RNF2: variants seen among roughly 807,000 people sequenced by gnomAD.
The protein encoded by RNF2 is E3 ubiquitin-protein ligase RING2.
Under a neutral mutation model 37.2 loss-of-function variants are expected in RNF2, and 6 were observed. That is an observed-to-expected ratio of 0.16 (90% CI 0.09 to 0.32). The LOEUF (loss-of-function observed/expected upper bound fraction) is 0.32, where lower values mean the gene tolerates loss of function less well. Among genes scored for constraint, RNF2 ranks in the 10% least tolerant of loss-of-function variants. The pLI is 1.00. For synonymous variants in RNF2, 133 were observed against 132.7 expected (o/e 1.00, Z -0.02); for missense variants, 251 against 404.0 (o/e 0.62, Z 3.25).
At chr1:185,065,956 A>AT (rs57453569) in intron 1 of RNF2, among the ~76,000 whole-genome samples, 14,895 of 138,588 alleles carry the variant, frequency 0.11, 869 homozygotes, top group East Asian at 0.16. Flanking sequence ...ATACTGTCTC[A>AT]TTTTTTTTTT....
chr1:185,099,749 G>T, intron 5 of RNF2, 42 bp from the exon 6 acceptor site: 8 of 1,514,244 alleles, frequency 5.3e-6, no homozygotes, highest in South Asian at 3.7e-5. Context: ...TTTCTCATTG[G>T]CATATTCTAG....
chr1:185,074,502 C>T (rs1191272929), intron 1 of RNF2, among the ~76,000 whole-genome samples: 4 of 151,860 alleles, frequency 2.6e-5, no homozygotes, highest in Non-Finnish European at 5.9e-5. Flanking sequence ...TTGAAAGGGG[C>T]TTACTATGAA....
chr1:185,056,953 TTTGA>T (rs1383036243), intron 1 of RNF2, among the ~76,000 whole-genome samples: 3 of 152,180 alleles, frequency 2.0e-5, no homozygotes, highest in African/African-American at 7.2e-5. Context: ...TAGATTTTGG[TTTGA>T]TTTTGTTTAA....
chr1:185,077,823 T>G (rs531389422), intron 1 of RNF2, among the ~76,000 whole-genome samples: 30 of 151,700 alleles, frequency 2.0e-4, no homozygotes, highest in Middle Eastern at 3.4e-3. Context: ...TGATTCATTG[T>G]TTTTTTTCAG....
At chr1:185,078,515 C>G (rs1352913699) in intron 1 of RNF2, among the ~76,000 whole-genome samples, 2 of 152,084 alleles carry the variant, frequency 1.3e-5, no homozygotes, top group African/African-American at 2.4e-5. Flanking sequence ...ATTGAAGGTC[C>G]CTAGTTTAAC....
chr1:185,061,374 A>G (rs1650599006), intron 1 of RNF2, among the ~76,000 whole-genome samples: 1 of 151,980 alleles, frequency 6.6e-6, no homozygotes, highest in African/African-American at 2.4e-5. Flanking sequence ...AAAAGGGGAA[A>G]AAAAAAGGGA....
intron 4 of RNF2, among the ~76,000 whole-genome samples, chr1:185,097,630 C>T (rs1651949421): frequency 1.3e-5 from 2 of 152,250 alleles, no homozygotes; most frequent in Non-Finnish European, 2.9e-5. Context: ...AACTCCTGGG[C>T]TCAAGCCATC....
intron 2 of RNF2, among the ~76,000 whole-genome samples, chr1:185,090,360 T>G (rs1651733428): frequency 6.6e-6 from 1 of 152,222 alleles, no homozygotes; most frequent in South Asian, 2.1e-4. Flanking sequence ...TTGTTAGGCA[T>G]GTTCTAAAGA....
At chr1:185,072,808 C>T (rs892187386) in intron 1 of RNF2, among the ~76,000 whole-genome samples, 1 of 152,062 alleles carries the variant, frequency 6.6e-6, no homozygotes, top group African/African-American at 2.4e-5. Context: ...GGCATAGTGG[C>T]ACGCGCCTGT....
chr1:185,090,794 AG>A (rs1268296238), intron 2 of RNF2, among the ~76,000 whole-genome samples: 2 of 152,194 alleles, frequency 1.3e-5, no homozygotes, highest in Admixed American at 6.5e-5. Context: ...GCTTGTGGAG[AG>A]GGTAGTGAAC....
At chr1:185,092,770 TTTAAA>T (rs2102201524) in intron 3 of RNF2, among the ~76,000 whole-genome samples, 1 of 152,100 alleles carries the variant, frequency 6.6e-6, no homozygotes, top group South Asian at 2.1e-4. Flanking sequence ...AAAGGGGAAA[TTTAAA>T]TTAGAAAAAA....
In RNF2 at chr1:185,066,416, T is replaced by A. The variant is rs140851381; in HGVS notation, c.-3+20767T>A. Among the ~76,000 whole-genome samples the A allele has an allele frequency of 7.0e-3, 1,062 of 152,346 alleles. 9 individuals are homozygous for A. The highest frequency in any genetic ancestry group is 0.011 in the Non-Finnish European group (723 of 68,020). On this transcript the variant is annotated intron_variant, in intron 1 of 6. Coordinates refer to ENST00000367510, the MANE Select transcript of RNF2 (RefSeq NM_007212.4). ...CTTCAGGACTGCTTTCTTTCCTCGC[T>A]TGGTTAACTTTCACTTCACCTTAAA... is the stretch of plus-strand genomic sequence containing the variant.
intron 1 of RNF2, among the ~76,000 whole-genome samples, chr1:185,081,995 C>G (rs997067139): frequency 7.9e-5 from 12 of 152,138 alleles, no homozygotes; most frequent in African/African-American, 2.9e-4. Context: ...GTGCTTCAGT[C>G]CAACCACTGA....
chr1:185,093,385 C>A, intron 4 of RNF2, 109 bp downstream of exon 4: 1 of 928,128 alleles, frequency 1.1e-6, no homozygotes, highest in Non-Finnish European at 1.7e-6. Context: ...AGTAGTACTG[C>A]ATGATTACCT....
At chr1:185,082,345 C>CTTTTTTTTTTTTTGTTTT (rs1651444433) in intron 1 of RNF2, among the ~76,000 whole-genome samples, 1 of 72,000 alleles carries the variant, frequency 1.4e-5, no homozygotes, top group Non-Finnish European at 2.9e-5. Flanking sequence ...CTCTGCAGAA[C>CTTTTTTTTTTTTTGTTTT]TTTTTTTTTT....
rs751001811 is a variant in RNF2 at position 185,098,052 on chromosome 1, CT to C, written c.465-14del. On this transcript the variant is annotated intron_variant, in intron 4 of 6. Coordinates refer to ENST00000367510, the MANE Select transcript of RNF2 (RefSeq NM_007212.4). The stretch of plus-strand genomic sequence containing the variant: ...GGCCTAAAAGTAAATTTTATGCATC[CT>C]TTTTTCCCCCTTGACTAGACTGCAG... The C allele has an allele frequency of 1.9e-6, 3 of 1,606,474 alleles. No homozygotes were observed. The highest frequency in any genetic ancestry group is 1.7e-6 in the Non-Finnish European group (2 of 1,174,892).
chr1:185,082,770 C>T (rs891016359), intron 1 of RNF2, among the ~76,000 whole-genome samples: 8 of 152,020 alleles, frequency 5.3e-5, no homozygotes, highest in Non-Finnish European at 1.0e-4. Context: ...ATTTTGAACT[C>T]GAATAAGAAA....
chr1:185,048,267 T>C (rs1479588383), intron 1 of RNF2, among the ~76,000 whole-genome samples: 2 of 152,190 alleles, frequency 1.3e-5, no homozygotes, highest in Non-Finnish European at 2.9e-5. Flanking sequence ...TTATCCAGTT[T>C]TATGTTGTGT....
At chr1:185,047,119 C>CA (rs1219078852) in intron 1 of RNF2, among the ~76,000 whole-genome samples, 1 of 152,132 alleles carries the variant, frequency 6.6e-6, no homozygotes, top group African/African-American at 2.4e-5. Context: ...CTAGGGGTAG[C>CA]ACAGCAAATA....
Sources: gnomAD v4.1 joint callset for allele counts (sites outside exome capture counted in the v4.1 genomes callset) on GRCh38, gnomAD v4.1.1 for gene constraint, MANE v1.5 for transcripts, NCBI Gene and HGNC (gene_info 2026-07-23, HGNC 2026-07-21) for gene names.